Variants in TEX11 observed in about 807,000 individuals in gnomAD.
TEX11 encodes testis expressed 11.
TEX11 carries 7 observed loss-of-function variants against 84.4 expected under a neutral mutation model. That is an observed-to-expected ratio of 0.08 (90% CI 0.05 to 0.16). The LOEUF is 0.16. TEX11 is among the 10% of genes least tolerant of loss of function. The pLI is 1.00. For missense variants in TEX11, 551 were observed against 660.5 expected (o/e 0.83, Z 1.82); for synonymous variants, 264 against 222.8 (o/e 1.18, Z -1.64).
intron 7 of TEX11, among the ~76,000 whole-genome samples, chrX:70,835,651 G>T (rs1307204189): frequency 8.9e-6 from 1 of 112,360 alleles, no homozygotes; most frequent in African/African-American, 3.2e-5. Context: ...GTGAACTTAG[G>T]TAAGTCACAA....
chrX:70,804,407 T>G (rs894229850), intron 9 of TEX11, among the ~76,000 whole-genome samples: 2 of 112,212 alleles, frequency 1.8e-5, no homozygotes, highest in Non-Finnish European at 3.8e-5. Context: ...TGATAATTAT[T>G]TTTGCCTCTT....
chrX:70,901,711 T>C (rs2147890279), intron 2 of TEX11, among the ~76,000 whole-genome samples: 1 of 111,679 alleles, frequency 9.0e-6, no homozygotes, highest in South Asian at 3.8e-4. Context: ...GCAGCCAGGT[T>C]CCTAACAGGC....
At chrX:70,691,563 G>A (rs753291341) in intron 13 of TEX11, among the ~76,000 whole-genome samples, 4 of 110,994 alleles carry the variant, frequency 3.6e-5, no homozygotes, top group Non-Finnish European at 7.6e-5. Flanking sequence ...TGTCAGACAC[G>A]GAAAAACAAA....
chrX:70,827,027 G>T (rs772249040), intron 8 of TEX11, among the ~76,000 whole-genome samples: 2 of 111,295 alleles, frequency 1.8e-5, no homozygotes, highest in Non-Finnish European at 3.8e-5. Flanking sequence ...CCTAAGTAGA[G>T]GGAAGGGAAG....
intron 13 of TEX11, among the ~76,000 whole-genome samples, chrX:70,708,567 A>G (rs898384425): frequency 3.6e-5 from 4 of 111,932 alleles, no homozygotes; most frequent in Non-Finnish European, 5.6e-5. Context: ...TCAATGGTGG[A>G]TTGGATAAAG....
chrX:70,732,073 T>A (rs1486850266), intron 11 of TEX11, among the ~76,000 whole-genome samples: 1 of 111,897 alleles, frequency 8.9e-6, no homozygotes, highest in African/African-American at 3.2e-5. Context: ...TCTCAATAGA[T>A]GCAGAAAAGG....
At chrX:70,640,696 A>G (rs1178888145) in intron 17 of TEX11, among the ~76,000 whole-genome samples, 2 of 109,121 alleles carry the variant, frequency 1.8e-5, no homozygotes, top group Non-Finnish European at 3.8e-5. Context: ...GAGAAATAAA[A>G]TACTTTACAG....
intron 9 of TEX11, among the ~76,000 whole-genome samples, chrX:70,745,591 C>T (rs192010917): frequency 2.5e-4 from 28 of 111,059 alleles, no homozygotes; most frequent in Admixed American, 1.3e-3. Flanking sequence ...AAAAATTAGC[C>T]GGAGTGATGG....
intron 8 of TEX11, among the ~76,000 whole-genome samples, chrX:70,812,552 A>G (rs763440244): frequency 6.6e-4 from 73 of 111,156 alleles, no homozygotes; most frequent in Non-Finnish European, 1.2e-3. Flanking sequence ...ATCCAGTTTC[A>G]GCTTTCTACA....
intron 25 of TEX11, among the ~76,000 whole-genome samples, chrX:70,577,732 T>C (rs73216778): frequency 0.033 from 3,473 of 104,565 alleles, 70 homozygotes; most frequent in Non-Finnish European, 0.049. Flanking sequence ...GTCATGATTA[T>C]ATCTTTTTTT....
intron 2 of TEX11, among the ~76,000 whole-genome samples, chrX:70,902,424 C>T (rs999548695): frequency 1.8e-5 from 2 of 111,740 alleles, no homozygotes; most frequent in Non-Finnish European, 3.8e-5. Flanking sequence ...TTTATAAACT[C>T]TGCACACTTA....
intron 9 of TEX11, among the ~76,000 whole-genome samples, chrX:70,749,883 C>G (rs1221140595): frequency 9.0e-6 from 1 of 110,510 alleles, no homozygotes; most frequent in East Asian, 2.8e-4. Flanking sequence ...CTAAAATTCT[C>G]TTTTTTTGTT....
At chrX:70,650,454 G>A (rs1171969526) in intron 17 of TEX11, among the ~76,000 whole-genome samples, 6 of 110,838 alleles carry the variant, frequency 5.4e-5, no homozygotes, top group Admixed American at 9.6e-5. Context: ...ATTTTTACTG[G>A]CAAAAAAGCT....
chrX:70,575,548 G>C (rs981526630), intron 25 of TEX11, among the ~76,000 whole-genome samples: 1 of 111,608 alleles, frequency 9.0e-6, no homozygotes, highest in Admixed American at 9.6e-5. Flanking sequence ...CCCCTCTGGA[G>C]GATGCAGCAA....
intron 13 of TEX11, among the ~76,000 whole-genome samples, chrX:70,711,970 G>A (rs1456932514): frequency 9.0e-6 from 1 of 111,595 alleles, no homozygotes. Flanking sequence ...TTTAGTATAA[G>A]GTGTAAGGAA....
At chrX:70,627,155 C>A (rs1303697851) in intron 18 of TEX11, among the ~76,000 whole-genome samples, 3 of 111,843 alleles carry the variant, frequency 2.7e-5, no homozygotes, top group African/African-American at 9.8e-5. Context: ...GGGGCAAAAG[C>A]CTGATTGGAG....
downstream of TEX11, among the ~76,000 whole-genome samples, chrX:70,528,354 G>A (rs928670570): frequency 2.7e-5 from 3 of 111,544 alleles, no homozygotes; most frequent in African/African-American, 9.8e-5. Context: ...GTCTTGCTCT[G>A]TCACCTAGGC....
At chrX:70,636,668 G>T (rs2089578468) in intron 17 of TEX11, among the ~76,000 whole-genome samples, 2 of 111,995 alleles carry the variant, frequency 1.8e-5, no homozygotes, top group Admixed American at 9.4e-5. Flanking sequence ...AGCCAATGGG[G>T]GCCTAAACTT....
At chrX:70,804,283 T>C (rs2091205922) in intron 9 of TEX11, among the ~76,000 whole-genome samples, 1 of 112,226 alleles carries the variant, frequency 8.9e-6, no homozygotes, top group Non-Finnish European at 1.9e-5. Flanking sequence ...CTAAATAAAG[T>C]ATCACAATAT....
Sources: gnomAD v4.1 joint callset for allele counts (sites outside exome capture counted in the v4.1 genomes callset) on GRCh38, gnomAD v4.1.1 for gene constraint, MANE v1.5 for transcripts, NCBI Gene and HGNC (gene_info 2026-07-23, HGNC 2026-07-21) for gene names.